Variants in PCLO observed in about 807,000 individuals in gnomAD.
PCLO encodes the protein piccolo presynaptic cytomatrix protein.
Under a neutral mutation model 427.5 loss-of-function variants are expected in PCLO, and 82 were observed. That is an observed-to-expected ratio of 0.19 (90% CI 0.16 to 0.23). PCLO has a LOEUF of 0.23. PCLO is among the 10% of genes least tolerant of loss of function. The pLI is 1.00. For synonymous variants in PCLO, 2,357 were observed against 2,155.4 expected (o/e 1.09, Z -2.59); for missense variants, 6,239 against 6,115.9 (o/e 1.02, Z -0.67).
rs371462083 is a variant in PCLO at position 82,956,955 on chromosome 7, T to C, written c.4018-20A>G. ...CTTTTCCTAAGCAGGGAGATAAAGATACAGGAAAACTTAACATGGTTAAAC... is the reference window on the plus strand; with the variant it reads ...CTTTTCCTAAGCAGGGAGATAAAGACACAGGAAAACTTAACATGGTTAAAC... On this transcript the variant is annotated intron_variant, in intron 4 of 24. Transcript: ENST00000333891. The C allele has an allele frequency of 1.1e-5, 17 of 1,547,278 alleles. No homozygotes were observed. The highest frequency in any genetic ancestry group is 1.5e-5 in the Non-Finnish European group (17 of 1,148,730).
At chr7:83,038,053 T>TATA (rs1554382433) in intron 3 of PCLO, among the ~76,000 whole-genome samples, 1 of 44,798 alleles carries the variant, frequency 2.2e-5, no homozygotes, top group African/African-American at 1.1e-4. Context: ...ATATATATCT[T>TATA]TATATATATA....
chr7:82,845,290 T>C lies in PCLO; in HGVS notation c.14027A>G (p.Lys4676Arg), dbSNP rs570774035. The change falls in exon 13 of 25, where the codon AAG becomes AGG. Residue 4676 changes from lysine (K) to arginine (R), a missense_variant. This residue lies in a region of PCLO where 877 missense variants were observed against 925.5 expected (regional missense o/e 0.95). Coordinates refer to ENST00000333891, the MANE Select transcript of PCLO (RefSeq NM_033026.6). ...GQPGSPSVSKKKHGSSKPTDG... is the reference protein window; with the variant it reads ...GQPGSPSVSKRKHGSSKPTDG... ...CCTCACCTTGCTGCTGCCGTGCTTC[T>C]TTTTGCTCACTGAGGGGGACCCTGG... 2 of 1,613,320 alleles carry C rather than the reference T, an allele frequency of 1.2e-6. No homozygotes were observed. Among genetic ancestry groups the C allele is most frequent in the South Asian group, 1.1e-5 (1 of 91,066 alleles).
At chr7:83,041,470 T>G (rs528054441) in intron 3 of PCLO, among the ~76,000 whole-genome samples, 1 of 152,294 alleles carries the variant, frequency 6.6e-6, no homozygotes, top group East Asian at 1.9e-4. Flanking sequence ...CTTTCAATTA[T>G]TTACTGTAAC....
chr7:83,113,829 T>G (rs998985451), intron 3 of PCLO, among the ~76,000 whole-genome samples: 2 of 152,140 alleles, frequency 1.3e-5, no homozygotes, highest in Non-Finnish European at 2.9e-5. Flanking sequence ...CGTTACATTA[T>G]GGAAAGCAGG....
At chr7:82,785,275 G>A (rs1170090367) in intron 22 of PCLO, among the ~76,000 whole-genome samples, 7 of 151,990 alleles carry the variant, frequency 4.6e-5, no homozygotes, top group Non-Finnish European at 8.8e-5. Flanking sequence ...TCCATCACAT[G>A]CGCAGTTCAC....
At chr7:82,902,121 G>T (rs989965106) in intron 9 of PCLO, among the ~76,000 whole-genome samples, 10 of 151,870 alleles carry the variant, frequency 6.6e-5, no homozygotes, top group African/African-American at 2.2e-4. Context: ...AAAGACACAT[G>T]CACACGTATG....
rs1415842352 is a variant in PCLO, at chr7:82,955,862, T to C, written c.5091A>G (p.Pro1697=). Residue 1697 remains proline (P), a synonymous_variant, in exon 5 of 25, where the codon CCA becomes CCG. Coordinates refer to ENST00000333891, the MANE Select transcript of PCLO (RefSeq NM_033026.6). ...CTGTCAGGCTTTCCATTTCCAATTC[T>C]GGCTCTTCGTCAAAATACAAACTTG... is the stretch of plus-strand genomic sequence containing the variant. ...KKTSLYFDEE[P]ELEMESLTDS... The C allele has an allele frequency of 1.9e-6, 3 of 1,613,924 alleles. No homozygotes were observed. Among genetic ancestry groups the C allele is most frequent in the Non-Finnish European group, 8.5e-7 (1 of 1,179,844 alleles).
chr7:83,155,884 C>T lies in PCLO; in HGVS notation c.757G>A (p.Gly253Ser). The T allele has an allele frequency of 6.2e-7, 1 of 1,613,816 alleles. No individual in the cohort carries two copies. Among genetic ancestry groups the T allele is most frequent in the East Asian group, 2.2e-5 (1 of 44,860 alleles). Residue 253 changes from glycine to serine, a missense_variant, in exon 2 of 25, where the codon GGT becomes AGT. Coordinates refer to ENST00000333891, the MANE Select transcript of PCLO (RefSeq NM_033026.6). ...GGACCCTGAATTGGCTTTCCTGTAC[C>T]TGGAGGTTGTGATTTAATTTTTTCT... ...QPEKIKSQPP[G>S]TGKPIQGPTQ...
intron 6 of PCLO, among the ~76,000 whole-genome samples, chr7:82,944,745 T>TA (rs1210207897): frequency 6.6e-6 from 1 of 152,160 alleles, no homozygotes; most frequent in Non-Finnish European, 1.5e-5. Flanking sequence ...GGTGACTTTT[T>TA]ACTGAAGAAA....
At chr7:82,836,464 GA>G (rs370990492) in intron 15 of PCLO, among the ~76,000 whole-genome samples, 35 of 152,122 alleles carry the variant, frequency 2.3e-4, no homozygotes, top group South Asian at 2.1e-3. Flanking sequence ...AGATATAAAT[GA>G]ATTAACATAA....
chr7:82,883,105 A>T (rs73385931), intron 9 of PCLO, among the ~76,000 whole-genome samples: 3,370 of 152,222 alleles, frequency 0.022, 135 homozygotes, highest in African/African-American at 0.077. Flanking sequence ...TATCTTATGA[A>T]TAGTTTAAAT....
chr7:82,848,268 C>A, intron 10 of PCLO, among the ~76,000 whole-genome samples: 1 of 128,718 alleles, frequency 7.8e-6, no homozygotes, highest in African/African-American at 2.9e-5. Context: ...AGAAAAATGT[C>A]TATATACCAC....
chr7:83,041,258 A>T (rs1162765619), intron 3 of PCLO, among the ~76,000 whole-genome samples: 1 of 152,188 alleles, frequency 6.6e-6, no homozygotes. Context: ...TCAGTCAGAC[A>T]TACGAAACAA....
At chr7:82,877,429 C>T (rs979976459) in intron 10 of PCLO, among the ~76,000 whole-genome samples, 6 of 151,994 alleles carry the variant, frequency 3.9e-5, no homozygotes, top group African/African-American at 1.5e-4. Flanking sequence ...GGAAAGTGAT[C>T]CTATCACTCT....
Position 82,758,517 on chromosome 7 carries a change from A to G in PCLO, c.*58T>C. 2 of 1,465,006 alleles carry G rather than the reference A, an allele frequency of 1.4e-6. No individual in the cohort carries two copies. Among genetic ancestry groups the G allele is most frequent in the African/African-American group, 2.8e-5 (2 of 70,506 alleles). The allele number at this position is 1,465,006 out of a possible 1,614,324, so 90.8% of individuals were successfully genotyped here. On this transcript the variant is annotated 3_prime_UTR_variant, in exon 25 of 25. Coordinates refer to ENST00000333891, the MANE Select transcript of PCLO (RefSeq NM_033026.6). ...TAGCTTTGTACAATAGTATTCAACT[A>G]TAGTCTTGATGTGAGGCTATTTAGA...
At chr7:82,985,605 C>G (rs1372949288) in intron 3 of PCLO, among the ~76,000 whole-genome samples, 2 of 151,850 alleles carry the variant, frequency 1.3e-5, no homozygotes, top group Admixed American at 6.6e-5. Context: ...ATTCATAAAG[C>G]ATTTTAAGTA....
intron 2 of PCLO, among the ~76,000 whole-genome samples, chr7:83,138,435 C>T (rs1031706130): frequency 6.6e-6 from 1 of 152,056 alleles, no homozygotes; most frequent in Non-Finnish European, 1.5e-5. Flanking sequence ...CCAACATGGG[C>T]AGATCTCCTG....
At chr7:83,003,232 T>G (rs1355315420) in intron 3 of PCLO, among the ~76,000 whole-genome samples, 1 of 151,432 alleles carries the variant, frequency 6.6e-6, no homozygotes, top group African/African-American at 2.4e-5. Flanking sequence ...TATTATTTTA[T>G]GCATACGTTT....
At chr7:83,050,769 C>T (rs1445173422) in intron 3 of PCLO, among the ~76,000 whole-genome samples, 3 of 151,086 alleles carry the variant, frequency 2.0e-5, no homozygotes, top group Non-Finnish European at 4.4e-5. Context: ...AAAAATTATC[C>T]GGGCATGGTG....
Sources: allele counts gnomAD v4.1 joint callset (sites outside exome capture counted in the v4.1 genomes callset), GRCh38; gene constraint gnomAD v4.1.1; regional missense constraint gnomAD v4.1.1; transcripts MANE v1.5; gene names NCBI Gene and HGNC (gene_info 2026-07-23, HGNC 2026-07-21).